Variants in FAM234A observed in about 807,000 individuals in gnomAD.
FAM234A encodes family with sequence similarity 234 member A.
A neutral mutation model predicts 49.1 loss-of-function variants in FAM234A; 42 were observed. That is an observed-to-expected ratio of 0.86 (90% CI 0.67 to 1.11). The LOEUF (loss-of-function observed/expected upper bound fraction) is 1.11. Among genes scored for constraint, FAM234A ranks in the 50% least tolerant of loss-of-function variants. FAM234A has a pLI of 0.00. For synonymous variants in FAM234A, 369 were observed against 316.2 expected (o/e 1.17, Z -1.77); for missense variants, 815 against 745.2 (o/e 1.09, Z -1.09).
chr16:251,961 C>CTGTG (rs1353689031), intron 2 of FAM234A, among the ~76,000 whole-genome samples: 14 of 146,870 alleles, frequency 9.5e-5, no homozygotes, highest in African/African-American at 3.5e-4. Context: ...CAAGATCATG[C>CTGTG]CACTGCACTC....
downstream of FAM234A, chr16:268,795 G>T (rs761134807): frequency 1.9e-6 from 3 of 1,550,208 alleles, no homozygotes; most frequent in African/African-American, 4.1e-5. Flanking sequence ...GGGCGACAGC[G>T]GAGAGGCTCT....
chr16:235,613 T>G (rs1596718235), intron 1 of FAM234A, among the ~76,000 whole-genome samples: 1 of 152,172 alleles, frequency 6.6e-6, no homozygotes, highest in Admixed American at 6.5e-5. Flanking sequence ...TGTGACGCGC[T>G]CCCTTCCATG....
chr16:267,273 C>G (rs954498098), downstream of FAM234A, among the ~76,000 whole-genome samples: 2 of 152,084 alleles, frequency 1.3e-5, no homozygotes, highest in African/African-American at 4.8e-5. Context: ...CACACACTAC[C>G]CTGCTCACCC....
intron 7 of FAM234A, 76 bp downstream of exon 7, chr16:262,301 T>C: frequency 6.3e-7 from 1 of 1,584,550 alleles, no homozygotes; most frequent in South Asian, 1.2e-5. Context: ...CAGGTCCTGC[T>C]TCTGCTCTCG....
downstream of FAM234A, among the ~76,000 whole-genome samples, chr16:266,793 G>A (rs530172636): frequency 7.2e-5 from 11 of 152,212 alleles, no homozygotes; most frequent in South Asian, 1.7e-3. Flanking sequence ...AGGGCTCTGC[G>A]GACGCGTCCT....
At chr16:235,767 C>A (rs539170773) in intron 1 of FAM234A, among the ~76,000 whole-genome samples, 1 of 152,264 alleles carries the variant, frequency 6.6e-6, no homozygotes, top group East Asian at 1.9e-4. Flanking sequence ...GTTGTAGGAG[C>A]TAAGGATATA....
Position 251,896 on chromosome 16 carries a change from G to A in FAM234A, c.-34+2242G>A, listed in dbSNP as rs149212891. ...CGGACGCCCATAGTCCCAGCTATTC[G>A]GGAGGCTGAGGCAGGAGAATGGTGT... On this transcript the variant is annotated intron_variant, in intron 2 of 12. Transcript: ENST00000399932. Among the ~76,000 whole-genome samples, 1,312 of 150,638 alleles carry A rather than the reference G, an allele frequency of 8.7e-3. 29 individuals are homozygous for A. Among genetic ancestry groups the A allele is most frequent in the African/African-American group, 0.03 (1,223 of 41,220 alleles).
rs1263680602 is a variant in FAM234A, at chr16:254,650, G to C, written c.237G>C (p.Gln79His). ...VIPCPDRPAS[Q>H]RMWRIDYSAA... ...CGTGTCCAGACCGGCCGGCGTCACA[G>C]CGAATGTGGAGGATAGACTACAGTG... Residue 79 changes from glutamine to histidine, a missense_variant, in exon 3 of 13, where the codon CAG (glutamine) becomes CAC (histidine). Transcript: ENST00000399932. The C allele has an allele frequency of 6.2e-7, 1 of 1,613,946 alleles. No homozygotes were observed. Among genetic ancestry groups the C allele is most frequent in the Non-Finnish European group, 8.5e-7 (1 of 1,179,980 alleles).
chr16:264,079 G>C lies in FAM234A; in HGVS notation c.1252G>C (p.Gly418Arg), dbSNP rs745661765. Reference protein sequence around the residue: ...LCSLALPSLPGGPLSASLPTA... With the variant: ...LCSLALPSLPRGPLSASLPTA... ...TAGCCTAGCCCTCCCGAGCCTCCCT[G>C]GGGGTCCACTGTCCGCCAGCCTGCC... Residue 418 changes from glycine (G) to arginine (R), a missense_variant, in exon 11 of 13, where the codon GGG (glycine) becomes CGG (arginine). By Grantham distance (125) the Gly-to-Arg change is moderately radical (BLOSUM62 -2). Transcript: ENST00000399932. 6.2e-7 allele frequency: 1 copy of C among 1,612,916 alleles called. No individual in the cohort carries two copies. Among genetic ancestry groups the C allele is most frequent in the Non-Finnish European group, 8.5e-7 (1 of 1,179,952 alleles).
At chr16:250,394 AC>A (rs112541148) in intron 2 of FAM234A, among the ~76,000 whole-genome samples, 9,369 of 150,978 alleles carry the variant, frequency 0.062, 984 homozygotes, top group African/African-American at 0.22. Flanking sequence ...TTCCCTAGTT[AC>A]CTTTTCCAGA....
intron 3 of FAM234A, among the ~76,000 whole-genome samples, chr16:257,643 C>G (rs553711294): frequency 2.9e-4 from 44 of 151,730 alleles, no homozygotes; most frequent in African/African-American, 1.0e-3. Context: ...TTAGCTCTTA[C>G]GTTTAGGTCT....
chr16:239,971 G>A (rs2050554295), intron 1 of FAM234A, among the ~76,000 whole-genome samples: 3 of 152,154 alleles, frequency 2.0e-5, no homozygotes, highest in African/African-American at 7.2e-5. Flanking sequence ...TATTCTTGGT[G>A]GAGAGAGAAA....
intron 3 of FAM234A, among the ~76,000 whole-genome samples, chr16:257,787 G>C (rs188731875): frequency 2.9e-4 from 44 of 152,134 alleles, no homozygotes; most frequent in Non-Finnish European, 5.1e-4. Flanking sequence ...CGAGTTCAAG[G>C]CCAGCCTGGG....
intron 9 of FAM234A, 62 bp from the exon 10 acceptor site, chr16:263,638 C>A: frequency 1.4e-6 from 2 of 1,396,204 alleles, no homozygotes; most frequent in Non-Finnish European, 2.0e-6. Flanking sequence ...TTCCTGGGTG[C>A]TTCCTTCATC....
At chr16:257,255 T>TC (rs1274645407) in intron 3 of FAM234A, among the ~76,000 whole-genome samples, 12 of 142,868 alleles carry the variant, frequency 8.4e-5, no homozygotes. Flanking sequence ...TTTTTTTTTT[T>TC]TTTTTTTGGA....
intron 3 of FAM234A, among the ~76,000 whole-genome samples, chr16:256,172 C>T (rs572628672): frequency 6.6e-6 from 1 of 152,336 alleles, no homozygotes; most frequent in East Asian, 1.9e-4. Flanking sequence ...TGAACATTCA[C>T]GTGCAGATCT....
At chr16:237,506 G>A (rs1015367004) in intron 1 of FAM234A, among the ~76,000 whole-genome samples, 1 of 152,054 alleles carries the variant, frequency 6.6e-6, no homozygotes, top group Non-Finnish European at 1.5e-5. Flanking sequence ...ACCAGGGCTG[G>A]AGGATCTGAT....
intron 11 of FAM234A, 141 bp downstream of exon 11, chr16:264,312 G>C: frequency 1.0e-6 from 1 of 987,464 alleles, no homozygotes; most frequent in East Asian, 2.6e-5. Context: ...GTCAGGATGA[G>C]GTGGTGCAAG....
intron 3 of FAM234A, 29 bp from the exon 4 acceptor site, chr16:259,454 G>A (rs370832451): frequency 3.1e-5 from 40 of 1,285,018 alleles, no homozygotes; most frequent in South Asian, 1.4e-4. Context: ...CATGGCCCGC[G>A]GAGTATAGTC....
Sources: allele counts gnomAD v4.1 joint callset (sites outside exome capture counted in the v4.1 genomes callset), GRCh38; gene constraint gnomAD v4.1.1; transcripts MANE v1.5; gene names NCBI Gene and HGNC (gene_info 2026-07-23, HGNC 2026-07-21).